The following SLC24A1 variants were observed in gnomAD, a reference collection of about 807,000 sequenced individuals.
SLC24A1 encodes sodium/potassium/calcium exchanger 1.
A neutral mutation model predicts 88.1 loss-of-function variants in SLC24A1; 52 were observed. That is an observed-to-expected ratio of 0.59 (90% CI 0.47 to 0.74). The LOEUF is 0.74. Ranked by LOEUF, SLC24A1 falls within the 30% of genes least tolerant of loss-of-function variation. The probability of loss-of-function intolerance (pLI) is 0.00; values close to 1 mark genes in which losing one functional copy is unlikely to be tolerated. For missense variants in SLC24A1, 1,173 were observed against 1,363.3 expected (o/e 0.86, Z 2.20); for synonymous variants, 455 against 498.0 (o/e 0.91, Z 1.15).
chr15:65,633,246 T>C (rs1204833086), intron 2 of SLC24A1, among the ~76,000 whole-genome samples: 1 of 152,244 alleles, frequency 6.6e-6, no homozygotes, highest in Admixed American at 6.5e-5. Flanking sequence ...GAGTTTAATA[T>C]ATACACTGGG....
At chr15:65,647,648 T>G (rs1276983457) in intron 6 of SLC24A1, among the ~76,000 whole-genome samples, 1 of 152,088 alleles carries the variant, frequency 6.6e-6, no homozygotes, top group Non-Finnish European at 1.5e-5. Flanking sequence ...AGTGACAGTC[T>G]TCAGAGTAGA....
At chr15:65,636,860 A>AAATAATAATAAT (rs59545207) in intron 2 of SLC24A1, among the ~76,000 whole-genome samples, 6,198 of 143,250 alleles carry the variant, frequency 0.043, 326 homozygotes, top group African/African-American at 0.12. Flanking sequence ...CTCTGTCTCA[A>AAATAATAATAAT]AATAATAATA....
chr15:65,653,557 G>A (rs2075577223), intron 9 of SLC24A1, among the ~76,000 whole-genome samples: 1 of 149,412 alleles, frequency 6.7e-6, no homozygotes, highest in Non-Finnish European at 1.5e-5. Context: ...TCATATAGAA[G>A]TCATGAAGTA....
chr15:65,651,033 G>A (rs1178809993), intron 7 of SLC24A1, 91 bp downstream of exon 7: 14 of 1,103,590 alleles, frequency 1.3e-5, no homozygotes, highest in Non-Finnish European at 1.9e-5. Flanking sequence ...AGAGGAGGAA[G>A]AGGCCAGGGA....
In SLC24A1 at chr15:65,650,769, G is replaced by A; in HGVS notation, c.2620G>A (p.Glu874Lys). The A allele has an allele frequency of 2.5e-6, 4 of 1,610,884 alleles. No homozygotes were observed. The highest frequency in any genetic ancestry group is 2.2e-5 in the East Asian group (1 of 44,786). Residue 874 changes from glutamate (E) to lysine (K), a missense_variant, in exon 7 of 10, where the codon GAG becomes AAG. Transcript: ENST00000261892. This position sits in a 1 kb window ranked among gnomAD's most constrained non-coding sequence, Gnocchi z 4.1. The stretch of plus-strand genomic sequence containing the variant: ...GGAGGAAGAGCAGGAGGAAGAGGAG[G>A]AGGAGGAAGAGCAGGAGGAAGAGGA... ...EEEEEQEEEE[E>K]EEEQEEEEEE...
At chr15:65,645,310 C>A (rs1037426788) in intron 5 of SLC24A1, among the ~76,000 whole-genome samples, 3 of 152,246 alleles carry the variant, frequency 2.0e-5, no homozygotes, top group African/African-American at 7.2e-5. Flanking sequence ...GCTTTGCCCT[C>A]TCTCTGTTCT....
Position 65,655,831 on chromosome 15 carries a change from A to C in SLC24A1, c.*1752A>C. 1 of 984,884 alleles carries C rather than the reference A, an allele frequency of 1.0e-6. No homozygotes were observed. 61.0% of individuals were successfully genotyped at this position (984,884 alleles called of 1,614,324 possible). A position where few individuals can be genotyped will look rare whatever the true frequency, so the allele number is the denominator to read the frequency against. The stretch of plus-strand genomic sequence containing the variant: ...ATTCTTTGGAAATAATTTTTATTAA[A>C]TTTCAATAAACTGTGAATCCCAATG... On this transcript the variant is annotated 3_prime_UTR_variant, in exon 10 of 10. Transcript: ENST00000261892.
At position 65,656,024 on chromosome 15, in the gene SLC24A1, A is replaced by G. The variant is rs2075672243; in HGVS notation, c.*1945A>G. The G allele has an allele frequency of 1.0e-6, 1 of 985,262 alleles. No individual in the cohort carries two copies. Among genetic ancestry groups the G allele is most frequent in the Admixed American group, 6.1e-5 (1 of 16,268 alleles). 61.0% of individuals were successfully genotyped at this position (985,262 alleles called of 1,614,324 possible). Reference sequence around the variant, plus strand: ...TGCTGGGTTTCCATAGCCAAGGCCTAAGAACAGGAGGAGAAGGCAATGCTT... The same window carrying G: ...TGCTGGGTTTCCATAGCCAAGGCCTGAGAACAGGAGGAGAAGGCAATGCTT... On this transcript the variant is annotated 3_prime_UTR_variant, in exon 10 of 10. Coordinates refer to ENST00000261892, the MANE Select transcript of SLC24A1 (RefSeq NM_004727.3).
chr15:65,660,195 T>C (rs1250597155), downstream of SLC24A1: 77 of 952,860 alleles, frequency 8.1e-5, no homozygotes, highest in Admixed American at 1.4e-3. Flanking sequence ...TATATGTGCC[T>C]AGCACCAGAT....
intron 9 of SLC24A1, among the ~76,000 whole-genome samples, 178 bp from the exon 10 acceptor site, chr15:65,653,652 G>A (rs1419767565): frequency 1.3e-5 from 2 of 152,150 alleles, no homozygotes; most frequent in African/African-American, 4.8e-5. Context: ...CCTTGGGCAA[G>A]TAATTTAATT....
chr15:65,651,741 G>A lies in SLC24A1; in HGVS notation c.2865G>A (p.Met955Ile). The A allele has an allele frequency of 1.2e-6, 2 of 1,604,540 alleles. No homozygotes were observed. The highest frequency in any genetic ancestry group is 2.7e-5 in the African/African-American group (2 of 74,858). The part of the protein sequence containing the change: ...IMWIAMFSYL[M>I]VWWAHQVGET... ...GGATAGCCATGTTCTCATACCTCAT[G>A]GTGTGGTGGGCTCACCAGGTGAGTG... Residue 955 changes from methionine to isoleucine, a missense_variant, in exon 8 of 10, where the codon ATG (methionine) becomes ATA (isoleucine). Transcript: ENST00000261892.
At chr15:65,651,373 G>C (rs2075499253) in intron 7 of SLC24A1, among the ~76,000 whole-genome samples, 1 of 152,136 alleles carries the variant, frequency 6.6e-6, no homozygotes, top group African/African-American at 2.4e-5. Flanking sequence ...GGTTGCAAAA[G>C]CCAAACCAGA....
rs1263586307 is a variant in SLC24A1 at position 65,624,962 on chromosome 15, T to C, written c.882T>C (p.His294=). 5 of 1,609,054 alleles carry C rather than the reference T, an allele frequency of 3.1e-6. No homozygotes were observed. Among genetic ancestry groups the C allele is most frequent in the Non-Finnish European group, 4.2e-6 (5 of 1,177,616 alleles). ...GAGTGGAAAGTAACAGCTCAGCCCA[T>C]CCCTGGGGGTTAGTGGGAAAGAGCA... The part of the protein sequence containing the change: ...PRRVESNSSA[H]PWGLVGKSNP... The change falls in exon 2 of 10, where the codon CAT becomes CAC. Residue 294 remains histidine, a synonymous_variant. Transcript: ENST00000261892.
At chr15:65,660,263 C>G, downstream of SLC24A1, 1 of 1,532,504 alleles carries the variant, frequency 6.5e-7, no homozygotes, top group Non-Finnish European at 8.7e-7. Flanking sequence ...TTTAAACTCT[C>G]TCCATTATTT....
chr15:65,630,355 G>A (rs2074673446), intron 2 of SLC24A1, among the ~76,000 whole-genome samples: 1 of 152,230 alleles, frequency 6.6e-6, no homozygotes, highest in Non-Finnish European at 1.5e-5. Flanking sequence ...CCTGCTGCCT[G>A]TTTAGGGGCT....
At chr15:65,632,645 CAACATTCATTGAGCA>C (rs1407939755) in intron 2 of SLC24A1, among the ~76,000 whole-genome samples, 10 of 152,192 alleles carry the variant, frequency 6.6e-5, no homozygotes. Flanking sequence ...TCAAGAACCC[CAACATTCATTGAGCA>C]AACATTCATT....
In SLC24A1 at chr15:65,624,698, G is replaced by A; in HGVS notation, c.618G>A (p.Met206Ile). Residue 206 changes from methionine (M) to isoleucine (I), a missense_variant, in exon 2 of 10, where the codon ATG becomes ATA. By Grantham distance (10) the Met-to-Ile change is conservative (BLOSUM62 1). Transcript: ENST00000261892. ...GCACTTACGTGCCGTCCACATTCATGACAATGGAAACAAGCCATGCGATCA... is the reference window on the plus strand; with the variant it reads ...GCACTTACGTGCCGTCCACATTCATAACAATGGAAACAAGCCATGCGATCA... ...RVGTYVPSTFMTMETSHAITP... is the reference protein window; with the variant it reads ...RVGTYVPSTFITMETSHAITP... 1 of 1,608,320 alleles carries A rather than the reference G, an allele frequency of 6.2e-7. No homozygotes were observed. The highest frequency in any genetic ancestry group is 8.5e-7 in the Non-Finnish European group (1 of 1,177,108).
chr15:65,624,896 A>G lies in SLC24A1; in HGVS notation c.816A>G (p.Pro272=). The G allele has an allele frequency of 6.2e-7, 1 of 1,613,876 alleles. No individual in the cohort carries two copies. Among genetic ancestry groups the G allele is most frequent in the Non-Finnish European group, 8.5e-7 (1 of 1,179,850 alleles). ...TAGAAGCAAACGTCTTGACTTCTCC[A>G]AGGAGCGTCATGGAAAAAAACAACC... ...HEVEANVLTS[P]RSVMEKNNLF... Residue 272 remains proline, a synonymous_variant, in exon 2 of 10, where the codon CCA becomes CCG. Coordinates refer to ENST00000261892, the MANE Select transcript of SLC24A1 (RefSeq NM_004727.3).
In SLC24A1 at chr15:65,625,315, C is replaced by G; in HGVS notation, c.1235C>G (p.Thr412Arg). Residue 412 changes from threonine (T) to arginine (R), a missense_variant, in exon 2 of 10, where the codon ACA becomes AGA. Thr to Arg is a moderately conservative substitution (Grantham distance 71). Coordinates refer to ENST00000261892, the MANE Select transcript of SLC24A1 (RefSeq NM_004727.3). The part of the protein sequence containing the change: ...AMLTTPSPSL[T>R]TALLPEELSP... ...CTCACCACTCCCTCCCCAAGCCTCA[C>G]AACAGCCCTGCTCCCAGAGGAGCTC... 1 of 1,614,030 alleles carries G rather than the reference C, an allele frequency of 6.2e-7. No individual in the cohort carries two copies. Among genetic ancestry groups the G allele is most frequent in the Non-Finnish European group, 8.5e-7 (1 of 1,179,892 alleles).
Sources: gnomAD v4.1 joint callset for allele counts (sites outside exome capture counted in the v4.1 genomes callset) on GRCh38, gnomAD v4.1.1 for gene constraint, Gnocchi (gnomAD v3.1) non-coding constraint, MANE v1.5 for transcripts, NCBI Gene and HGNC (gene_info 2026-07-23, HGNC 2026-07-21) for gene names.